Variants in JAKMIP2 observed in about 807,000 individuals in gnomAD.
The protein encoded by JAKMIP2 is janus kinase and microtubule interacting protein 2.
Under a neutral mutation model 115.0 loss-of-function variants are expected in JAKMIP2, and 25 were observed. That is an observed-to-expected ratio of 0.22 (90% CI 0.16 to 0.30). The LOEUF (loss-of-function observed/expected upper bound fraction) is 0.30. JAKMIP2 is among the 10% of genes least tolerant of loss of function. JAKMIP2 has a pLI of 1.00. For synonymous variants in JAKMIP2, 334 were observed against 343.6 expected (o/e 0.97, Z 0.31); for missense variants, 642 against 957.6 (o/e 0.67, Z 4.35).
chr5:147,606,097 G>T (rs1241210920), intron 20 of JAKMIP2, among the ~76,000 whole-genome samples: 6 of 152,050 alleles, frequency 3.9e-5, no homozygotes, highest in Non-Finnish European at 7.4e-5. Flanking sequence ...TTTTCAGATG[G>T]ATAGATTGCA....
At chr5:147,753,655 G>C (rs1169700425) in intron 1 of JAKMIP2, among the ~76,000 whole-genome samples, 1 of 152,096 alleles carries the variant, frequency 6.6e-6, no homozygotes, top group Non-Finnish European at 1.5e-5. Context: ...CATTGTTCTA[G>C]ATCAGGCATT....
chr5:147,695,086 A>G (rs917960636), intron 1 of JAKMIP2, among the ~76,000 whole-genome samples: 3 of 152,186 alleles, frequency 2.0e-5, no homozygotes, highest in African/African-American at 4.8e-5. Context: ...AGGCATGAGT[A>G]TTTATGATCA....
intron 21 of JAKMIP2, among the ~76,000 whole-genome samples, chr5:147,594,090 G>A (rs1446926818): frequency 2.0e-5 from 3 of 152,154 alleles, no homozygotes; most frequent in Non-Finnish European, 4.4e-5. Flanking sequence ...TGGACTTACA[G>A]GCAGTCCAGG....
In JAKMIP2 at chr5:147,585,681, A is replaced by T. The variant is rs1271270132; in HGVS notation, c.*6026T>A. ...TCATTAATAAACAAGCACTGAAGTG[A>T]TATATGGAGTCATGCTAATGAGATG... On this transcript the variant is annotated 3_prime_UTR_variant, in exon 22 of 22. Coordinates refer to ENST00000616793, the MANE Select transcript of JAKMIP2 (RefSeq NM_001270941.2). The T allele has an allele frequency of 6.6e-6, 1 of 152,124 alleles. No homozygotes were observed. 9.4% of individuals were successfully genotyped at this position (152,124 alleles called of 1,614,324 possible).
chr5:147,743,999 T>TTTCC (rs542685199), intron 1 of JAKMIP2, among the ~76,000 whole-genome samples: 13,565 of 111,896 alleles, frequency 0.12, 909 homozygotes, highest in South Asian at 0.15. Context: ...TCCTAACTTC[T>TTTCC]TTCCTTCCTT....
chr5:147,738,667 A>C (rs1012309313), intron 1 of JAKMIP2, among the ~76,000 whole-genome samples: 12 of 152,114 alleles, frequency 7.9e-5, no homozygotes, highest in African/African-American at 2.9e-4. Context: ...TTCACAATCA[A>C]TTTATAATTT....
In JAKMIP2 at chr5:147,776,112, T is replaced by C. The variant is rs951937966; in HGVS notation, c.-149+6344A>G. On this transcript the variant is annotated intron_variant, in intron 1 of 21. Coordinates refer to ENST00000616793, the MANE Select transcript of JAKMIP2 (RefSeq NM_001270941.2). ...AAGAGTCAGATGACTGGGGTTTTAT[T>C]TGAAAACTATGATATACATGAATTC... Among the ~76,000 whole-genome samples the C allele has an allele frequency of 5.3e-5, 8 of 152,156 alleles. No individual in the cohort carries two copies. In the East Asian group the frequency reaches 1.5e-3, roughly 29 times the overall value.
At chr5:147,775,587 T>C (rs1028029944) in intron 1 of JAKMIP2, among the ~76,000 whole-genome samples, 2 of 152,204 alleles carry the variant, frequency 1.3e-5, no homozygotes, top group Non-Finnish European at 2.9e-5. Context: ...TCTTTAATGA[T>C]GGATTGTTAA....
rs1758513175 is a variant in JAKMIP2 at position 147,653,470 on chromosome 5, AGCT to A, written c.628-2926_628-2924del. Among the ~76,000 whole-genome samples, 4 of 151,394 alleles carry A rather than the reference AGCT, an allele frequency of 2.6e-5. 1 individual carries two copies. The highest frequency in any genetic ancestry group is 7.3e-5 in the African/African-American group (3 of 40,924). The stretch of plus-strand genomic sequence containing the variant: ...ATTTCTCAAATAATCAGAGATGATG[AGCT>A]TTTTTTTTTCATGTTTGTTGGCCGC... On this transcript the variant is annotated intron_variant, in intron 3 of 21. Transcript: ENST00000616793.
At chr5:147,769,001 A>C (rs1414435004) in intron 1 of JAKMIP2, among the ~76,000 whole-genome samples, 1 of 152,156 alleles carries the variant, frequency 6.6e-6, no homozygotes, top group Non-Finnish European at 1.5e-5. Flanking sequence ...ACCATTTATT[A>C]GCTGGTTGAA....
intron 20 of JAKMIP2, among the ~76,000 whole-genome samples, chr5:147,611,752 C>A (rs186993711): frequency 6.6e-6 from 1 of 152,288 alleles, no homozygotes; most frequent in Admixed American, 6.5e-5. Flanking sequence ...ACACGCATTT[C>A]CAAGTGCCCT....
intron 1 of JAKMIP2, among the ~76,000 whole-genome samples, chr5:147,685,527 T>C (rs1760524223): frequency 6.6e-6 from 1 of 152,194 alleles, no homozygotes; most frequent in Non-Finnish European, 1.5e-5. Context: ...TGGCTAGCCT[T>C]ACTCCGGAGC....
chr5:147,619,020 C>A (rs991332162), intron 18 of JAKMIP2, among the ~76,000 whole-genome samples: 3 of 152,094 alleles, frequency 2.0e-5, no homozygotes, highest in Admixed American at 6.5e-5. Context: ...TATGGCTGCT[C>A]TCATTATAAT....
chr5:147,761,003 TTAGA>T (rs1754912501), intron 1 of JAKMIP2, among the ~76,000 whole-genome samples: 1 of 152,100 alleles, frequency 6.6e-6, no homozygotes. Context: ...CATATTTGTA[TTAGA>T]TAGACTGGGA....
At chr5:147,715,162 T>A (rs1009936773) in intron 1 of JAKMIP2, among the ~76,000 whole-genome samples, 1 of 152,076 alleles carries the variant, frequency 6.6e-6, no homozygotes, top group African/African-American at 2.4e-5. Context: ...AGTCTATAAC[T>A]TCTAAGTTAA....
chr5:147,602,445 T>C (rs1755748841), intron 20 of JAKMIP2, among the ~76,000 whole-genome samples: 1 of 152,192 alleles, frequency 6.6e-6, no homozygotes, highest in Non-Finnish European at 1.5e-5. Flanking sequence ...CATCTGGTCA[T>C]GCTATTGGTA....
At position 147,585,930 on chromosome 5, in the gene JAKMIP2, A is replaced by C. The variant is rs553633383; in HGVS notation, c.*5777T>G. The stretch of plus-strand genomic sequence containing the variant: ...GATATGGGACTTTTGGCTAATTTTA[A>C]TACTGTAGATTGTGCTGAACTTTCT... On this transcript the variant is annotated 3_prime_UTR_variant, in exon 22 of 22. Coordinates refer to ENST00000616793, the MANE Select transcript of JAKMIP2 (RefSeq NM_001270941.2). 5.9e-5 allele frequency: 9 copies of C among 152,148 alleles called. No homozygotes were observed. In the East Asian group the frequency reaches 1.7e-3, roughly 29 times the overall value. 9.4% of individuals were successfully genotyped at this position (152,148 alleles called of 1,614,324 possible).
rs190935932 is a variant in JAKMIP2, at chr5:147,678,250, C to T, written c.-148-6296G>A. ...AACTTCTAACCTCATGAACTGCCCA[C>T]CTCAGCCTCCCAAAGTGCTGGGATT... On this transcript the variant is annotated intron_variant, in intron 1 of 21. Coordinates refer to ENST00000616793, the MANE Select transcript of JAKMIP2 (RefSeq NM_001270941.2). Among the ~76,000 whole-genome samples, 217 of 152,314 alleles carry T rather than the reference C, an allele frequency of 1.4e-3. 5 individuals carry two copies. Among genetic ancestry groups the T allele is most frequent in the African/African-American group, 5.1e-3 (211 of 41,564 alleles).
intron 1 of JAKMIP2, among the ~76,000 whole-genome samples, chr5:147,776,486 A>C (rs1231906438): frequency 6.6e-6 from 1 of 152,174 alleles, no homozygotes; most frequent in Non-Finnish European, 1.5e-5. Flanking sequence ...CAGAACAGTA[A>C]GTCAATTAAA....
Sources: allele counts gnomAD v4.1 joint callset (sites outside exome capture counted in the v4.1 genomes callset), GRCh38; gene constraint gnomAD v4.1.1; transcripts MANE v1.5; gene names NCBI Gene and HGNC (gene_info 2026-07-23, HGNC 2026-07-21).